KIF17: variants seen among roughly 807,000 people sequenced by gnomAD.
The protein encoded by KIF17 is kinesin family member 17, also known as kinesin-like protein KIF17.
A neutral mutation model predicts 96.8 loss-of-function variants in KIF17; 80 were observed. The observed-to-expected ratio is 0.83, with a 90% CI of 0.69 to 1.00. KIF17 has a LOEUF of 1.00. Among genes scored for constraint, KIF17 ranks in the 50% least tolerant of loss-of-function variants. KIF17 has a pLI of 0.00. For missense variants in KIF17, 1,280 were observed against 1,372.9 expected, an observed-to-expected ratio of 0.93 and a Z score of 1.07; for synonymous variants, 567 against 587.5, an observed-to-expected ratio of 0.97 and a Z score of 0.51.
At position 20,709,502 on chromosome 1, in the gene KIF17, C is replaced by T; in HGVS notation, c.670+137G>A. 4.3e-6 allele frequency: 4 copies of T among 926,818 alleles called. No individual in the cohort carries two copies. The highest frequency in any genetic ancestry group is 4.1e-5 in the South Asian group (3 of 72,532). The allele number at this position is 926,818 out of a possible 1,614,324, so 57.4% of individuals were successfully genotyped here. ...CGGGTCCCAGCATCCCAAGGGTCCT[C>T]TTGGGTTTCCTCCAGGCTGTTAGAG... On this transcript the variant is annotated intron_variant, in intron 4 of 14. Coordinates refer to ENST00000400463, the MANE Select transcript of KIF17 (RefSeq NM_001122819.3). The surrounding 1 kb of genome is among the most constrained non-coding windows in gnomAD (Gnocchi z 4.7).
At chr1:20,708,709 G>A (rs189424676) in intron 4 of KIF17, among the ~76,000 whole-genome samples, 13 of 152,254 alleles carry the variant, frequency 8.5e-5, no homozygotes, top group East Asian at 5.8e-4. Flanking sequence ...CTGTTTCCTC[G>A]TCTATAAAAT....
intron 4 of KIF17, among the ~76,000 whole-genome samples, chr1:20,705,919 T>TTTTTC (rs2054333781): frequency 7.0e-6 from 1 of 142,954 alleles, no homozygotes. Context: ...TTTTTTTTTT[T>TTTTTC]TGCCTTTGGG....
At chr1:20,690,056 A>T in intron 7 of KIF17, 132 bp downstream of exon 7, 1 of 940,960 alleles carries the variant, frequency 1.1e-6, no homozygotes, top group Non-Finnish European at 1.7e-6. Flanking sequence ...TACCTACCTT[A>T]CTGGACCATT....
At position 20,699,228 on chromosome 1, in the gene KIF17, G is replaced by T. The variant is rs1776339; in HGVS notation, c.1124-740C>A. On this transcript the variant is annotated intron_variant, in intron 5 of 14. Transcript: ENST00000400463. The surrounding 1 kb of genome is among the most constrained non-coding windows in gnomAD (Gnocchi z 4.3). ...CCTGCGAAAGTGCTGGGATTACAGG[G>T]GTGAGCTGCCTTGCCCGGCCCAAGT... Among the ~76,000 whole-genome samples, 7,485 of 152,168 alleles carry T rather than the reference G, an allele frequency of 0.049. 622 individuals carry two copies. The highest frequency in any genetic ancestry group is 0.17 in the African/African-American group (7,035 of 41,478).
intron 5 of KIF17, among the ~76,000 whole-genome samples, chr1:20,703,499 CATGGATGG>C (rs200289845): frequency 6.4e-4 from 93 of 145,166 alleles, no homozygotes; most frequent in Non-Finnish European, 9.1e-4. Flanking sequence ...TGGATGGATG[CATGGATGG>C]ATGGATGGAT....
chr1:20,698,270 ACGGTGAAGGTAC>A, intron 6 of KIF17, 97 bp downstream of exon 6: 1 of 765,756 alleles, frequency 1.3e-6, no homozygotes, highest in South Asian at 1.4e-5. Flanking sequence ...GACCAAACCC[ACGGTGAAGGTAC>A]GGTGATATCG....
In KIF17 at chr1:20,666,347, T is replaced by A. The variant is rs764255642; in HGVS notation, c.2791-16A>T. 1.3e-6 allele frequency: 2 copies of A among 1,591,314 alleles called. No homozygotes were observed. ...GGTCGTCCTCCTGCCGAGATGCAGA[T>A]GCCCGTGGTCACGTCCCCTTGTTTG... On this transcript the variant is annotated splice_polypyrimidine_tract_variant and intron_variant, in intron 13 of 14. Coordinates refer to ENST00000400463, the MANE Select transcript of KIF17 (RefSeq NM_001122819.3).
chr1:20,680,625 T>C (rs1415493813), intron 11 of KIF17, among the ~76,000 whole-genome samples: 2 of 152,044 alleles, frequency 1.3e-5, no homozygotes, highest in Non-Finnish European at 2.9e-5. Flanking sequence ...AATAAAACGT[T>C]CTTAAACAGG....
intron 10 of KIF17, among the ~76,000 whole-genome samples, chr1:20,684,251 C>T (rs547339941): frequency 2.6e-5 from 4 of 152,346 alleles, no homozygotes; most frequent in East Asian, 3.9e-4. Flanking sequence ...GTGTCCTGGG[C>T]CCAGCACTCA....
intron 7 of KIF17, 133 bp downstream of exon 7, chr1:20,690,055 T>C: frequency 1.1e-6 from 1 of 938,014 alleles, no homozygotes; most frequent in Non-Finnish European, 1.7e-6. Flanking sequence ...GTACCTACCT[T>C]ACTGGACCAT....
Position 20,670,412 on chromosome 1 carries a change from G to A in KIF17, c.2790+9C>T, listed in dbSNP as rs191366066. The A allele has an allele frequency of 2.0e-4, 328 of 1,613,274 alleles. 2 individuals carry two copies. In the African/African-American group the frequency reaches 3.6e-3, roughly 18 times the overall value. On this transcript the variant is annotated intron_variant, in intron 13 of 14. Coordinates refer to ENST00000400463, the MANE Select transcript of KIF17 (RefSeq NM_001122819.3). Reference sequence around the variant, plus strand: ...CCCGACACCCCACTCCCTCTCCCGCGGTCCTCACCATGTTCGGCTCGCCAT... The same window carrying A: ...CCCGACACCCCACTCCCTCTCCCGCAGTCCTCACCATGTTCGGCTCGCCAT...
chr1:20,712,762 A>C (rs1287398723), intron 3 of KIF17, among the ~76,000 whole-genome samples: 3 of 72,018 alleles, frequency 4.2e-5, no homozygotes, highest in African/African-American at 1.7e-4. Context: ...ATTATATTAT[A>C]TCTATATATA....
chr1:20,693,144 G>A (rs2054072279), intron 6 of KIF17: 1 of 152,020 alleles, frequency 6.6e-6, no homozygotes, highest in African/African-American at 2.4e-5. Context: ...ATTGCTGATG[G>A]TTTCTCCTTG....
In KIF17 at chr1:20,670,461, G is replaced by A; in HGVS notation, c.2750C>T (p.Ala917Val). ...ATTGTCTGCTGCAGAGGTTTTGCGG[G>A]CTGGTTTGTTCTGTGGCCCAGTTGA... is the stretch of plus-strand genomic sequence containing the variant. ...VVSTGPQNKP[A>V]RKTSAADNGE... Residue 917 changes from alanine to valine, a missense_variant, in exon 13 of 15, where the codon GCC (alanine) becomes GTC (valine). Physicochemically the swap from Ala to Val is moderately conservative, Grantham distance 64. Coordinates refer to ENST00000400463, the MANE Select transcript of KIF17 (RefSeq NM_001122819.3). 1.9e-6 allele frequency: 3 copies of A among 1,614,064 alleles called. No individual in the cohort carries two copies. The South Asian group carries it at 3.3e-5, about 18-fold the overall frequency.
chr1:20,713,314 TAAAAAA>T (rs373620869), intron 3 of KIF17, 134 bp downstream of exon 3: 3 of 521,626 alleles, frequency 5.8e-6, no homozygotes, highest in Non-Finnish European at 9.8e-6. Flanking sequence ...TTTTTTTAAT[TAAAAAA>T]AAAAAAAAAA....
downstream of KIF17, among the ~76,000 whole-genome samples, chr1:20,663,016 T>G (rs1027901637): frequency 6.6e-6 from 1 of 151,982 alleles, no homozygotes; most frequent in African/African-American, 2.4e-5. Context: ...TCACTTGAGG[T>G]CAGGAGTTCG....
At chr1:20,678,239 A>C (rs909543002) in intron 11 of KIF17, among the ~76,000 whole-genome samples, 2 of 152,102 alleles carry the variant, frequency 1.3e-5, no homozygotes, top group Non-Finnish European at 2.9e-5. Context: ...ATTCACTACC[A>C]CAAGAACAGT....
chr1:20,674,033 A>G (rs1324457347), intron 11 of KIF17, among the ~76,000 whole-genome samples: 1 of 151,702 alleles, frequency 6.6e-6, no homozygotes, highest in Non-Finnish European at 1.5e-5. Flanking sequence ...GGCTCAAGCA[A>G]TCTTCCCACC....
chr1:20,669,564 T>TA (rs1553149018), intron 13 of KIF17, among the ~76,000 whole-genome samples: 5,235 of 124,270 alleles, frequency 0.042, 124 homozygotes, highest in South Asian at 0.058. Flanking sequence ...ATAATAATAA[T>TA]AAATAAAATA....
Sources: gnomAD v4.1 joint callset for allele counts (sites outside exome capture counted in the v4.1 genomes callset) on GRCh38, gnomAD v4.1.1 for gene constraint, Gnocchi (gnomAD v3.1) non-coding constraint, MANE v1.5 for transcripts, NCBI Gene and HGNC (gene_info 2026-07-23, HGNC 2026-07-21) for gene names.